CSRNP3: variants seen among roughly 807,000 people sequenced by gnomAD.
CSRNP3 encodes the protein cysteine and serine rich nuclear protein 3.
A neutral mutation model predicts 48.0 loss-of-function variants in CSRNP3; 12 were observed. The ratio of observed to expected loss-of-function variants is 0.25; its 90% CI spans 0.16 to 0.41. The LOEUF (loss-of-function observed/expected upper bound fraction) is 0.41. CSRNP3 is among the 10% of genes least tolerant of loss of function. The probability of loss-of-function intolerance (pLI) is 1.00; values close to 1 mark genes in which losing one functional copy is unlikely to be tolerated. For missense variants in CSRNP3, 580 were observed against 724.4 expected, an observed-to-expected ratio of 0.80 and a Z score of 2.29; for synonymous variants, 263 against 269.7, an observed-to-expected ratio of 0.98 and a Z score of 0.24.
At chr2:165,590,181 A>G (rs1039165613) in intron 3 of CSRNP3, among the ~76,000 whole-genome samples, 2 of 152,234 alleles carry the variant, frequency 1.3e-5, no homozygotes, top group African/African-American at 2.4e-5. Context: ...TAATCTGAAT[A>G]GTGGTAAAAT....
chr2:165,640,167 T>C (rs149566839), intron 4 of CSRNP3, among the ~76,000 whole-genome samples: 4 of 152,360 alleles, frequency 2.6e-5, no homozygotes, highest in African/African-American at 9.6e-5. Context: ...TTGATTTCTT[T>C]ACTTTTAACA....
At chr2:165,556,305 G>C (rs1365764927) in intron 3 of CSRNP3, among the ~76,000 whole-genome samples, 1 of 152,154 alleles carries the variant, frequency 6.6e-6, no homozygotes, top group African/African-American at 2.4e-5. Flanking sequence ...AATGACTATA[G>C]GTTCACTGTT....
At chr2:165,475,929 T>C (rs73969253) in intron 1 of CSRNP3, among the ~76,000 whole-genome samples, 11,352 of 152,266 alleles carry the variant, frequency 0.075, 485 homozygotes, top group Middle Eastern at 0.22. Context: ...ATAATACTGC[T>C]TGGTTTCTGA....
At chr2:165,652,857 T>C (rs1686937773) in intron 4 of CSRNP3, among the ~76,000 whole-genome samples, 1 of 152,146 alleles carries the variant, frequency 6.6e-6, no homozygotes, top group African/African-American at 2.4e-5. Flanking sequence ...ACAGACTAAT[T>C]AATTTTCAGA....
intron 4 of CSRNP3, among the ~76,000 whole-genome samples, chr2:165,610,122 G>A (rs945412020): frequency 1.3e-5 from 2 of 152,160 alleles, no homozygotes; most frequent in African/African-American, 4.8e-5. Context: ...CTGAAGCTTG[G>A]AAAGATTTTA....
chr2:165,544,764 A>G (rs1160073732), intron 3 of CSRNP3, among the ~76,000 whole-genome samples: 2 of 152,184 alleles, frequency 1.3e-5, no homozygotes, highest in Non-Finnish European at 2.9e-5. Context: ...GTCCTGGGAC[A>G]TGCAGTTTAG....
intron 5 of CSRNP3, among the ~76,000 whole-genome samples, chr2:165,660,052 T>C (rs890983489): frequency 3.9e-5 from 6 of 152,228 alleles, no homozygotes; most frequent in African/African-American, 1.4e-4. Context: ...GTTGTTGTTT[T>C]TTATGCTTGC....
At chr2:165,539,258 T>C (rs1574828323) in intron 3 of CSRNP3, among the ~76,000 whole-genome samples, 1 of 151,986 alleles carries the variant, frequency 6.6e-6, no homozygotes, top group African/African-American at 2.4e-5. Flanking sequence ...GTAAGTCCAA[T>C]ATGCCTCGTC....
intron 2 of CSRNP3, among the ~76,000 whole-genome samples, chr2:165,499,896 A>G (rs1044938026): frequency 1.3e-5 from 2 of 152,120 alleles, no homozygotes; most frequent in South Asian, 2.1e-4. Flanking sequence ...CACAAATATT[A>G]TAATAAGGGA....
chr2:165,657,891 G>C lies in CSRNP3; in HGVS notation c.279G>C (p.Gly93=). Residue 93 remains glycine (G), a synonymous_variant, in exon 5 of 7, where the codon GGG becomes GGC. Transcript: ENST00000651982. ...CCAGTCAAGGGGGAAGCACCCTGGG[G>C]ATGTCCAGCCGCCATAACAGCGTGC... The part of the protein sequence containing the change: ...SVPSQGGSTL[G]MSSRHNSVRQ... 1 of 1,614,032 alleles carries C rather than the reference G, an allele frequency of 6.2e-7. No individual in the cohort carries two copies. The highest frequency in any genetic ancestry group is 8.5e-7 in the Non-Finnish European group (1 of 1,179,994).
intron 4 of CSRNP3, among the ~76,000 whole-genome samples, chr2:165,630,213 G>C (rs936566955): frequency 6.6e-6 from 1 of 151,942 alleles, no homozygotes; most frequent in Non-Finnish European, 1.5e-5. Flanking sequence ...AAATTCTGGC[G>C]TTCTTAGGAA....
chr2:165,584,691 A>G (rs1164483258), intron 3 of CSRNP3, among the ~76,000 whole-genome samples: 1 of 152,218 alleles, frequency 6.6e-6, no homozygotes, highest in African/African-American at 2.4e-5. Context: ...CAAAAAATTC[A>G]GAGTTGCACT....
chr2:165,621,325 A>C (rs1686336275), intron 4 of CSRNP3, among the ~76,000 whole-genome samples: 1 of 150,276 alleles, frequency 6.7e-6, no homozygotes. Flanking sequence ...CACTGATGCC[A>C]ATTCTGGCTT....
chr2:165,534,269 C>G (rs1347118649), intron 3 of CSRNP3, among the ~76,000 whole-genome samples: 1 of 151,922 alleles, frequency 6.6e-6, no homozygotes, highest in Non-Finnish European at 1.5e-5. Context: ...CTACTACTTC[C>G]CATTTTTTAC....
At chr2:165,498,168 G>A (rs1684307421) in intron 2 of CSRNP3, among the ~76,000 whole-genome samples, 2 of 151,982 alleles carry the variant, frequency 1.3e-5, no homozygotes, top group African/African-American at 4.8e-5. Context: ...CAGCAAACAT[G>A]TTGTTTTACA....
intron 3 of CSRNP3, among the ~76,000 whole-genome samples, chr2:165,578,214 CATTAAATTTACCAT>C (rs1159615047): frequency 2.0e-5 from 3 of 151,990 alleles, no homozygotes; most frequent in Admixed American, 2.0e-4. Flanking sequence ...CAAATCCTGG[CATTAAATTTACCAT>C]CTTTCACCAC....
At chr2:165,473,888 G>A (rs550034947) in intron 1 of CSRNP3, among the ~76,000 whole-genome samples, 4 of 151,996 alleles carry the variant, frequency 2.6e-5, no homozygotes, top group Non-Finnish European at 5.9e-5. Flanking sequence ...AGATTATAAC[G>A]ATCTAGATAA....
chr2:165,507,022 C>T (rs1684435276), intron 2 of CSRNP3, among the ~76,000 whole-genome samples: 1 of 151,820 alleles, frequency 6.6e-6, no homozygotes, highest in Non-Finnish European at 1.5e-5. Context: ...TGAAAAAAAG[C>T]TAAACTAAAT....
chr2:165,633,751 A>G (rs888945667), intron 4 of CSRNP3, among the ~76,000 whole-genome samples: 9 of 152,196 alleles, frequency 5.9e-5, no homozygotes, highest in Non-Finnish European at 5.9e-5. Context: ...TAGTTGCTCC[A>G]TAAATTTCTG....
Sources: allele counts gnomAD v4.1 joint callset (sites outside exome capture counted in the v4.1 genomes callset), GRCh38; gene constraint gnomAD v4.1.1; transcripts MANE v1.5; gene names NCBI Gene and HGNC (gene_info 2026-07-23, HGNC 2026-07-21).